WDR49: variants seen among roughly 807,000 people sequenced by gnomAD.
WDR49 encodes the protein WD repeat domain 49.
WDR49 carries 107 observed loss-of-function variants against 119.5 expected under a neutral mutation model. The observed-to-expected ratio is 0.90, with a 90% confidence interval of 0.77 to 1.05. WDR49 has a LOEUF of 1.05. WDR49 is among the 50% of genes least tolerant of loss of function. The pLI is 0.00. For synonymous variants in WDR49, 425 were observed against 418.8 expected (o/e 1.01, Z -0.18); for missense variants, 1,240 against 1,220.5 (o/e 1.02, Z -0.24).
chr3:167,630,742 G>A (rs1470524496), intron 2 of WDR49, among the ~76,000 whole-genome samples: 3 of 152,050 alleles, frequency 2.0e-5, no homozygotes, highest in East Asian at 3.9e-4. Flanking sequence ...TTGTTCCTAC[G>A]GGAAACACAG....
chr3:167,553,644 C>T (rs562638581), intron 10 of WDR49, among the ~76,000 whole-genome samples: 37 of 152,116 alleles, frequency 2.4e-4, no homozygotes, highest in Middle Eastern at 3.4e-3. Flanking sequence ...CTAAGTATAG[C>T]GATCATTAGA....
chr3:167,527,692 C>T (rs1312408681), intron 15 of WDR49, 128 bp downstream of exon 15: 70 of 990,422 alleles, frequency 7.1e-5, no homozygotes, highest in East Asian at 5.3e-5. Context: ...GCTACTGCTT[C>T]GGAAATGTTG....
chr3:167,507,007 C>T (rs1751795224), intron 16 of WDR49, among the ~76,000 whole-genome samples: 1 of 152,122 alleles, frequency 6.6e-6, no homozygotes. Flanking sequence ...ATCAAACTGA[C>T]TTCCATGGTT....
chr3:167,563,209 C>T (rs1208604228), intron 8 of WDR49, among the ~76,000 whole-genome samples: 3 of 151,868 alleles, frequency 2.0e-5, no homozygotes, highest in Admixed American at 1.3e-4. Flanking sequence ...AAAAAATTAG[C>T]CAGGCGTGGT....
intron 6 of WDR49, among the ~76,000 whole-genome samples, chr3:167,602,731 A>T (rs894367786): frequency 6.6e-6 from 1 of 152,184 alleles, no homozygotes; most frequent in Non-Finnish European, 1.5e-5. Context: ...AAGACAAATT[A>T]TCAAGTAATC....
In WDR49 at chr3:167,500,289, C is replaced by A; in HGVS notation, c.2895G>T (p.Arg965Ser). The change falls in exon 18 of 19, where the codon AGG becomes AGT. Residue 965 changes from arginine (R) to serine (S), a missense_variant. Coordinates refer to ENST00000682715, the MANE Select transcript of WDR49 (RefSeq NM_001366157.1). ...CTTCCAGGGCTCCAATGTTTAATGA[C>A]CTAAATGTACCTTCACAACAGCAGG... ...EVIKKSFSTF[R>S]SLNIGALEEL... The A allele has an allele frequency of 6.2e-7, 1 of 1,604,214 alleles. No homozygotes were observed. The highest frequency in any genetic ancestry group is 8.5e-7 in the Non-Finnish European group (1 of 1,176,896).
intron 5 of WDR49, among the ~76,000 whole-genome samples, chr3:167,620,173 T>A (rs1418834533): frequency 6.6e-6 from 1 of 152,122 alleles, no homozygotes; most frequent in Non-Finnish European, 1.5e-5. Flanking sequence ...TGACAATGTT[T>A]TCCTTTCTCT....
At chr3:167,563,188 A>G (rs1291671082) in intron 8 of WDR49, among the ~76,000 whole-genome samples, 1 of 152,002 alleles carries the variant, frequency 6.6e-6, no homozygotes, top group Non-Finnish European at 1.5e-5. Flanking sequence ...CCCCGTCTCT[A>G]CTAAAAATAC....
In WDR49 at chr3:167,523,510, A is replaced by G. The variant is rs1423234642; in HGVS notation, c.2605-1026T>C. Among the ~76,000 whole-genome samples the G allele has an allele frequency of 2.6e-5, 4 of 151,750 alleles. No individual in the cohort carries two copies. In the East Asian group the frequency reaches 7.8e-4, roughly 29 times the overall value. On this transcript the variant is annotated intron_variant, in intron 15 of 18. Coordinates refer to ENST00000682715, the MANE Select transcript of WDR49 (RefSeq NM_001366157.1). ...CCATCATCTAAGTTTTAAGCTCCAC[A>G]TGCATTAGGTATTTATCCTAATGCT...
rs77319753 is a variant in WDR49, at chr3:167,627,286, G to A, written c.172C>T (p.Gln58Ter). The A allele has an allele frequency of 4.0e-6, 5 of 1,234,764 alleles. No homozygotes were observed. Among genetic ancestry groups the A allele is most frequent in the Non-Finnish European group, 5.1e-6 (5 of 988,552 alleles). 76.5% of individuals were successfully genotyped at this position (1,234,764 alleles called of 1,614,324 possible). ...VKIQKAFESPQPRKIICMSRE... is the reference protein window; with the variant it reads ...VKIQKAFESP ...GACATACAAATGATTTTCCTTGGCT[G>A]TGGGGACTAGAAACAGGAATCCAAA... Residue 58 changes from glutamine to a stop codon, truncating the protein, a stop_gained, in exon 3 of 19, where the codon CAG becomes TAG. Transcript: ENST00000682715. LOFTEE classifies it high-confidence loss of function.
chr3:167,649,800 T>A (rs140365162), intron 2 of WDR49, among the ~76,000 whole-genome samples: 48 of 152,318 alleles, frequency 3.2e-4, no homozygotes, highest in African/African-American at 1.1e-3. Flanking sequence ...CTAGGTATAG[T>A]TAAAGCTAAA....
chr3:167,647,023 G>A (rs539605293), intron 2 of WDR49, among the ~76,000 whole-genome samples: 6 of 152,216 alleles, frequency 3.9e-5, no homozygotes, highest in Admixed American at 3.3e-4. Context: ...TCATTAATAC[G>A]TTATACTTGG....
chr3:167,498,118 G>A (rs1167650170), intron 18 of WDR49, among the ~76,000 whole-genome samples: 1 of 152,112 alleles, frequency 6.6e-6, no homozygotes, highest in Non-Finnish European at 1.5e-5. Flanking sequence ...GGGATTACGG[G>A]CATGAGCCAC....
At chr3:167,572,633 G>A (rs890686576) in intron 8 of WDR49, among the ~76,000 whole-genome samples, 2 of 152,184 alleles carry the variant, frequency 1.3e-5, no homozygotes, top group African/African-American at 4.8e-5. Context: ...AACAGTGTTA[G>A]GAGCTGTGGG....
At chr3:167,493,471 G>A (rs1269975881) in intron 18 of WDR49, among the ~76,000 whole-genome samples, 1 of 152,124 alleles carries the variant, frequency 6.6e-6, no homozygotes, top group Non-Finnish European at 1.5e-5. Context: ...CCCTGGTGGT[G>A]GTTTCTGGTA....
intron 3 of WDR49, among the ~76,000 whole-genome samples, chr3:167,624,782 A>T (rs940517560): frequency 6.6e-5 from 10 of 152,130 alleles, no homozygotes; most frequent in African/African-American, 2.4e-4. Flanking sequence ...CTGCACATAG[A>T]TATAAAAAAA....
intron 10 of WDR49, among the ~76,000 whole-genome samples, chr3:167,539,439 G>T (rs757691541): frequency 6.6e-6 from 1 of 151,920 alleles, no homozygotes; most frequent in Non-Finnish European, 1.5e-5. Context: ...ACTCTCTAAG[G>T]CCCATCTTAT....
chr3:167,617,967 A>T (rs1716682205), intron 5 of WDR49, among the ~76,000 whole-genome samples: 1 of 152,120 alleles, frequency 6.6e-6, no homozygotes, highest in Non-Finnish European at 1.5e-5. Context: ...GTTTCCTCAA[A>T]AGCCTTCGAC....
rs1718479919 is a variant in WDR49 at position 167,653,331 on chromosome 3, T to C, written c.95A>G (p.Asp32Gly). 2 of 1,536,162 alleles carry C rather than the reference T, an allele frequency of 1.3e-6. No individual in the cohort carries two copies. The highest frequency in any genetic ancestry group is 1.7e-6 in the Non-Finnish European group (2 of 1,146,886). ...GTTTTCAAGCAGGCCTGTGCCATAGTCTTCAAATGCAGTTACACCTTCTGT... is the reference window on the plus strand; with the variant it reads ...GTTTTCAAGCAGGCCTGTGCCATAGCCTTCAAATGCAGTTACACCTTCTGT... ...ERTEGVTAFE[D>G]YGTGLLENQL... Residue 32 changes from aspartate to glycine, a missense_variant, in exon 2 of 19, where the codon GAC (aspartate) becomes GGC (glycine). By Grantham distance (94) the Asp-to-Gly change is moderately conservative (BLOSUM62 -1). Coordinates refer to ENST00000682715, the MANE Select transcript of WDR49 (RefSeq NM_001366157.1).
Sources: gnomAD v4.1 joint callset for allele counts (sites outside exome capture counted in the v4.1 genomes callset) on GRCh38, gnomAD v4.1.1 for gene constraint, MANE v1.5 for transcripts, NCBI Gene and HGNC (gene_info 2026-07-23, HGNC 2026-07-21) for gene names.